BCAN: variants seen among roughly 807,000 people sequenced by gnomAD.
BCAN encodes the protein brevican core protein.
BCAN carries 51 observed loss-of-function variants against 92.4 expected under a neutral mutation model. The ratio of observed to expected loss-of-function variants is 0.55; its 90% CI spans 0.44 to 0.70. The LOEUF (loss-of-function observed/expected upper bound fraction) is 0.70, where lower values mean the gene tolerates loss of function less well. Ranked by LOEUF, BCAN falls within the 30% of genes least tolerant of loss-of-function variation. The probability of loss-of-function intolerance (pLI) is 0.00; values close to 1 mark genes in which losing one functional copy is unlikely to be tolerated. For missense variants in BCAN, 1,140 were observed against 1,212.1 expected, an observed-to-expected ratio of 0.94 and a Z score of 0.88; for synonymous variants, 501 against 505.2, an observed-to-expected ratio of 0.99 and a Z score of 0.11.
chr1:156,656,529 G>C, intron 9 of BCAN, 140 bp downstream of exon 9: 1 of 621,934 alleles, frequency 1.6e-6, no homozygotes, highest in African/African-American at 1.9e-5. Context: ...TAACTTCTTT[G>C]AGTCCTACCC....
rs946948182 is a variant in BCAN, at chr1:156,647,777, T to C, written c.641+95T>C. ...GCTGCCTGCTGTGTCAGGCTGGACA[T>C]GCAGGGCTTTTTGCCTCTGGGGGAT... On this transcript the variant is annotated intron_variant, in intron 4 of 13. Transcript: ENST00000329117. This position sits in a 1 kb window ranked among gnomAD's most constrained non-coding sequence, Gnocchi z 4.8. The C allele has an allele frequency of 5.8e-6, 9 of 1,552,152 alleles. No individual in the cohort carries two copies. Among genetic ancestry groups the C allele is most frequent in the Admixed American group, 3.4e-5 (2 of 58,456 alleles).
At position 156,647,841 on chromosome 1, in the gene BCAN, T is replaced by C; in HGVS notation, c.642-142T>C. On this transcript the variant is annotated intron_variant, in intron 4 of 13. Coordinates refer to ENST00000329117, the MANE Select transcript of BCAN (RefSeq NM_021948.5). This position sits in a 1 kb window ranked among gnomAD's most constrained non-coding sequence, Gnocchi z 4.8. ...GGAGGGGAGGTGAGGACCCTGAGCA[T>C]GTGCATCCCTGCAGTGCTAGAAGGA... 2 of 1,532,704 alleles carry C rather than the reference T, an allele frequency of 1.3e-6. No homozygotes were observed. The highest frequency in any genetic ancestry group is 1.8e-6 in the Non-Finnish European group (2 of 1,109,352). 94.9% of individuals were successfully genotyped at this position (1,532,704 alleles called of 1,614,324 possible).
intron 8 of BCAN, among the ~76,000 whole-genome samples, chr1:156,654,125 A>C (rs1203758891): frequency 6.6e-6 from 1 of 152,184 alleles, no homozygotes; most frequent in Admixed American, 6.5e-5. Flanking sequence ...AAAGTACCTA[A>C]TGCTGGAGAA....
intron 2 of BCAN, 110 bp from the exon 3 acceptor site, chr1:156,646,691 G>A (rs926446185): frequency 8.4e-5 from 123 of 1,462,574 alleles, no homozygotes; most frequent in Non-Finnish European, 7.4e-5. Context: ...TAGGGGGGCC[G>A]GGGAATCCTG....
At chr1:156,648,541 T>C in intron 5 of BCAN, 27 bp from the exon 6 acceptor site, 5 of 1,554,682 alleles carry the variant, frequency 3.2e-6, no homozygotes, top group African/African-American at 1.4e-5. Flanking sequence ...AGCTGCCTGA[T>C]AACCCAGCCT....
In BCAN at chr1:156,647,739, C is replaced by A. The variant is rs1476326932; in HGVS notation, c.641+57C>A. The stretch of plus-strand genomic sequence containing the variant: ...TGGCCCCTGAGGTGGCCATGGCCCC[C>A]CTTCTGCTGGGTGCTGCCTGCTGTG... On this transcript the variant is annotated intron_variant, in intron 4 of 13. Transcript: ENST00000329117. The surrounding 1 kb of genome is among the most constrained non-coding windows in gnomAD (Gnocchi z 4.8). 1.9e-6 allele frequency: 3 copies of A among 1,554,192 alleles called. No individual in the cohort carries two copies. The highest frequency in any genetic ancestry group is 1.8e-5 in the Admixed American group (1 of 54,780).
intron 8 of BCAN, chr1:156,653,399 G>T: frequency 8.0e-6 from 8 of 1,001,322 alleles, no homozygotes; most frequent in Non-Finnish European, 9.5e-6. Flanking sequence ...AACTACTTCT[G>T]TGAAGTATTT....
rs756701335 is a variant in BCAN at position 156,652,230 on chromosome 1, C to A, written c.1298-18C>A. 12 of 1,570,214 alleles carry A rather than the reference C, an allele frequency of 7.6e-6. No individual in the cohort carries two copies. The Admixed American group carries it at 2.0e-4, about 26-fold the overall frequency. ...ACAGACGCTGTCCCTGGTGCTGAAC[C>A]GTTTGTGCTTTGCCTAGAATTTGAA... On this transcript the variant is annotated intron_variant, in intron 7 of 13. Transcript: ENST00000329117.
Position 156,657,031 on chromosome 1 carries a change from A to G in BCAN, c.2144A>G (p.Gln715Arg). The change falls in exon 10 of 14, where the codon CAG becomes CGG. Residue 715 changes from glutamine to arginine, a missense_variant. Coordinates refer to ENST00000329117, the MANE Select transcript of BCAN (RefSeq NM_021948.5). ...TRRSWEEAETQCRMYGAHLAS... is the reference protein window; with the variant it reads ...TRRSWEEAETRCRMYGAHLAS... ...AGGAGCTGGGAGGAGGCAGAGACCC[A>G]GTGCCGGATGTACGGCGCGCATCTG... The G allele has an allele frequency of 6.2e-7, 1 of 1,614,224 alleles. No individual in the cohort carries two copies. Among genetic ancestry groups the G allele is most frequent in the Non-Finnish European group, 8.5e-7 (1 of 1,180,018 alleles).
Position 156,647,242 on chromosome 1 carries a change from G to A in BCAN, c.466+67G>A. 2.1e-6 allele frequency: 3 copies of A among 1,459,786 alleles called. No homozygotes were observed. In the South Asian group the frequency reaches 4.3e-5, roughly 21 times the overall value. 90.4% of individuals were successfully genotyped at this position (1,459,786 alleles called of 1,614,324 possible). The stretch of plus-strand genomic sequence containing the variant: ...GGAAGGGAGGACTCTTGCCTTCGGG[G>A]ATCCCACAGTGTGAGAGGGAAGCAA... On this transcript the variant is annotated intron_variant, in intron 3 of 13. Coordinates refer to ENST00000329117, the MANE Select transcript of BCAN (RefSeq NM_021948.5). This position sits in a 1 kb window ranked among gnomAD's most constrained non-coding sequence, Gnocchi z 4.8.
Position 156,647,035 on chromosome 1 carries a change from C to T in BCAN, c.326C>T (p.Ala109Val). The T allele has an allele frequency of 6.2e-7, 1 of 1,612,842 alleles. No homozygotes were observed. Among genetic ancestry groups the T allele is most frequent in the Non-Finnish European group, 8.5e-7 (1 of 1,179,400 alleles). Reference sequence around the variant, plus strand: ...AACGAGGCCTACCGGTTCCGCGTGGCACTGCCTGCGTACCCAGCGTCGCTC... The same window carrying T: ...AACGAGGCCTACCGGTTCCGCGTGGTACTGCCTGCGTACCCAGCGTCGCTC... Reference protein sequence around the residue: ...KVNEAYRFRVALPAYPASLTD... With the variant: ...KVNEAYRFRVVLPAYPASLTD... The change falls in exon 3 of 14, where the codon GCA (alanine) becomes GTA (valine). Residue 109 changes from alanine (A) to valine (V), a missense_variant. Ala to Val is a moderately conservative substitution (Grantham distance 64). This residue lies in a region of BCAN where 286 missense variants were observed against 284.1 expected (regional missense o/e 1.01). Transcript: ENST00000329117. The surrounding 1 kb of genome is among the most constrained non-coding windows in gnomAD (Gnocchi z 4.8).
At chr1:156,656,719 T>C (rs1679342253) in intron 9 of BCAN, 1 of 615,320 alleles carries the variant, frequency 1.6e-6, no homozygotes, top group Non-Finnish European at 2.8e-6. Context: ...TCCCTCACCC[T>C]GGTTCCTGTC....
In BCAN at chr1:156,646,843, T is replaced by G; in HGVS notation, c.134T>G (p.Leu45Arg). The G allele has an allele frequency of 6.2e-7, 1 of 1,602,046 alleles. No homozygotes were observed. Among genetic ancestry groups the G allele is most frequent in the Non-Finnish European group, 8.5e-7 (1 of 1,174,226 alleles). ...GTGCGCATCGCGGGCGACGCGCCAC[T>G]GCAGGGCGTGCTCGGCGGCGCCCTC... The part of the protein sequence containing the change: ...FRVRIAGDAP[L>R]QGVLGGALTI... The change falls in exon 3 of 14, where the codon CTG (leucine) becomes CGG (arginine). Residue 45 changes from leucine to arginine, a missense_variant. Physicochemically the swap from Leu to Arg is moderately radical, Grantham distance 102. This residue lies in a region of BCAN where 286 missense variants were observed against 284.1 expected (regional missense o/e 1.01). Transcript: ENST00000329117.
intron 8 of BCAN, chr1:156,653,556 C>A: frequency 1.0e-6 from 1 of 981,858 alleles, no homozygotes; most frequent in Non-Finnish European, 1.2e-6. Flanking sequence ...TTGGATGCTT[C>A]TTCTCTGGCT....
chr1:156,651,799 C>T (rs1271766969), intron 7 of BCAN, 110 bp downstream of exon 7: 2 of 1,012,632 alleles, frequency 2.0e-6, no homozygotes, highest in African/African-American at 1.6e-5. Context: ...CTGCCCTGTC[C>T]TTTCTCAGTA....
Position 156,654,825 on chromosome 1 carries a change from G to A in BCAN, c.1943-1457G>A, listed in dbSNP as rs189911511. Among the ~76,000 whole-genome samples, 25 of 152,340 alleles carry A rather than the reference G, an allele frequency of 1.6e-4. No individual in the cohort carries two copies. In the East Asian group the frequency reaches 3.5e-3, roughly 21 times the overall value. Reference sequence around the variant, plus strand: ...GAAATACCTCTTCCTCTGGGGTTGGGAGGTGGGCAGCACCACAAGCTGGGA... The same window carrying A: ...GAAATACCTCTTCCTCTGGGGTTGGAAGGTGGGCAGCACCACAAGCTGGGA... On this transcript the variant is annotated intron_variant, in intron 8 of 13. Coordinates refer to ENST00000329117, the MANE Select transcript of BCAN (RefSeq NM_021948.5).
At chr1:156,657,552 G>T in intron 10 of BCAN, 123 bp from the exon 11 acceptor site, 1 of 733,768 alleles carries the variant, frequency 1.4e-6, no homozygotes, top group Non-Finnish European at 2.2e-6. Context: ...AGAAGAACCC[G>T]ACAAGGGCGG....
In BCAN at chr1:156,644,754, A is replaced by T. The variant is rs566782384; in HGVS notation, c.-8-1293A>T. ...GACAGGTATGAAGGCAGATGCTGAG[A>T]GGGCAGGGAAGATGGGGGATAAACA... On this transcript the variant is annotated intron_variant, in intron 1 of 13. Coordinates refer to ENST00000329117, the MANE Select transcript of BCAN (RefSeq NM_021948.5). The T allele has an allele frequency of 3.9e-5, 6 of 152,438 alleles. 1 individual carries two copies. Among genetic ancestry groups the T allele is most frequent in the African/African-American group, 1.4e-4 (6 of 41,552 alleles). The allele number at this position is 152,438 out of a possible 1,614,324, so 9.4% of individuals were successfully genotyped here.
rs751973110 is a variant in BCAN, at chr1:156,658,299, C to A, written c.2437+28C>A. ...GAGGGCAGGCAAAGGAGGGTCCCAG[C>A]AAGGAAGTGGAGGGGTGGGCTAGGG... is the stretch of plus-strand genomic sequence containing the variant. On this transcript the variant is annotated intron_variant, in intron 12 of 13. Transcript: ENST00000329117. This position sits in a 1 kb window ranked among gnomAD's most constrained non-coding sequence, Gnocchi z 4.4. 1.7e-5 allele frequency: 28 copies of A among 1,610,360 alleles called. No homozygotes were observed. In the Middle Eastern group the frequency reaches 5.0e-4, roughly 29 times the overall value.
Sources: allele counts gnomAD v4.1 joint callset (sites outside exome capture counted in the v4.1 genomes callset), GRCh38; gene constraint gnomAD v4.1.1; regional missense constraint gnomAD v4.1.1; non-coding constraint Gnocchi (gnomAD v3.1); transcripts MANE v1.5; gene names NCBI Gene and HGNC (gene_info 2026-07-23, HGNC 2026-07-21).